The following ZMYND11 variants were observed in gnomAD, a reference collection of about 807,000 sequenced individuals.
The protein encoded by ZMYND11 is zinc finger MYND-type containing 11, also known as zinc finger MYND domain-containing protein 11.
Under a neutral mutation model 84.9 loss-of-function variants are expected in ZMYND11, and 9 were observed. The ratio of observed to expected loss-of-function variants is 0.11; its 90% CI spans 0.06 to 0.18. The LOEUF (loss-of-function observed/expected upper bound fraction) is 0.18, where lower values mean the gene tolerates loss of function less well. ZMYND11 is among the 10% of genes least tolerant of loss of function. ZMYND11 has a pLI of 1.00. For missense variants in ZMYND11, 409 were observed against 761.0 expected (o/e 0.54, Z 5.44); for synonymous variants, 250 against 244.1 (o/e 1.02, Z -0.23).
At chr10:246,605 A>G (rs1395282835) in intron 10 of ZMYND11, among the ~76,000 whole-genome samples, 161 bp from the exon 11 acceptor site, 1 of 152,188 alleles carries the variant, frequency 6.6e-6, no homozygotes, top group African/African-American at 2.4e-5. Context: ...TTTCGCAATT[A>G]AAAGTAACGG....
At position 188,690 on chromosome 10, in the gene ZMYND11, T is replaced by G. The variant is rs144570249; in HGVS notation, c.116+8562T>G. Among the ~76,000 whole-genome samples the G allele has an allele frequency of 1.5e-3, 230 of 152,330 alleles. 4 individuals carry two copies. In the East Asian group the frequency reaches 0.035, roughly 23 times the overall value. On this transcript the variant is annotated intron_variant, in intron 2 of 14. Coordinates refer to ENST00000381604, the MANE Select transcript of ZMYND11 (RefSeq NM_001370100.5). ...TATTTTAGTATCCATTAAAAACAAGTTACATATATCACTTCCTTTTCTTCT... is the reference window on the plus strand; with the variant it reads ...TATTTTAGTATCCATTAAAAACAAGGTACATATATCACTTCCTTTTCTTCT...
At chr10:143,267 A>G (rs566038635) in intron 1 of ZMYND11, among the ~76,000 whole-genome samples, 1 of 152,354 alleles carries the variant, frequency 6.6e-6, no homozygotes, top group East Asian at 1.9e-4. Flanking sequence ...CCTGACACTC[A>G]GCAGTGATGC....
intron 4 of ZMYND11, among the ~76,000 whole-genome samples, chr10:231,572 C>A (rs1182858166): frequency 6.6e-6 from 1 of 152,096 alleles, no homozygotes; most frequent in Non-Finnish European, 1.5e-5. Flanking sequence ...AAGTAATGAT[C>A]CTTGGGCATC....
upstream of ZMYND11, chr10:135,065 C>A (rs1158537749): frequency 6.7e-6 from 1 of 149,316 alleles, no homozygotes; most frequent in African/African-American, 2.4e-5. This position sits in a 1 kb window ranked among gnomAD's most constrained non-coding sequence, Gnocchi z 5.6. Flanking sequence ...GCCGGTGGGG[C>A]CGAGCGGCCG....
chr10:209,869 T>C lies in ZMYND11; in HGVS notation c.117-20T>C, dbSNP rs775560044. The C allele has an allele frequency of 6.3e-7, 1 of 1,577,800 alleles. No homozygotes were observed. Among genetic ancestry groups the C allele is most frequent in the Non-Finnish European group, 8.6e-7 (1 of 1,161,606 alleles). Reference sequence around the variant, plus strand: ...TTCAGTACTGAAAGATTTTTAAATTTGTTTTTCCTCTGTGTTCAGGTATAT... The same window carrying C: ...TTCAGTACTGAAAGATTTTTAAATTCGTTTTTCCTCTGTGTTCAGGTATAT... On this transcript the variant is annotated intron_variant, in intron 2 of 14. Coordinates refer to ENST00000381604, the MANE Select transcript of ZMYND11 (RefSeq NM_001370100.5).
At chr10:184,104 C>T (rs1185044031) in intron 2 of ZMYND11, among the ~76,000 whole-genome samples, 2 of 152,140 alleles carry the variant, frequency 1.3e-5, no homozygotes, top group Non-Finnish European at 2.9e-5. Context: ...GTTTTATTTA[C>T]TTAACTCTTC....
At position 246,859 on chromosome 10, in the gene ZMYND11, T is replaced by G; in HGVS notation, c.1044T>G (p.Asp348Glu). ...GTATGGGTTGGAAAAAGGCCTGTGATGAGCTGGAGCTGCATCAGCGTTTCC... is the reference window on the plus strand; with the variant it reads ...GTATGGGTTGGAAAAAGGCCTGTGAGGAGCTGGAGCTGCATCAGCGTTTCC... Reference protein sequence around the residue: ...KRSMGWKKACDELELHQRFLR... With the variant: ...KRSMGWKKACEELELHQRFLR... Residue 348 changes from aspartate (D) to glutamate (E), a missense_variant, in exon 11 of 15, where the codon GAT becomes GAG. Physicochemically the swap from Asp to Glu is conservative, Grantham distance 45. Transcript: ENST00000381604. 6.2e-7 allele frequency: 1 copy of G among 1,614,164 alleles called. No individual in the cohort carries two copies. Among genetic ancestry groups the G allele is most frequent in the South Asian group, 1.1e-5 (1 of 91,066 alleles).
chr10:239,993 A>G (rs1950600589), intron 7 of ZMYND11, 63 bp from the exon 8 acceptor site: 17 of 1,391,380 alleles, frequency 1.2e-5, no homozygotes, highest in Non-Finnish European at 1.2e-5. Context: ...AGAAAAGGAT[A>G]GTAACTTTGA....
At chr10:178,115 C>T (rs575849284) in intron 1 of ZMYND11, among the ~76,000 whole-genome samples, 81 of 152,250 alleles carry the variant, frequency 5.3e-4, no homozygotes, top group African/African-American at 1.4e-3. Context: ...TTTACCTCAG[C>T]GAGAAGTAGT....
At chr10:169,774 A>G (rs569674372) in intron 1 of ZMYND11, among the ~76,000 whole-genome samples, 13 of 152,220 alleles carry the variant, frequency 8.5e-5, no homozygotes, top group East Asian at 5.8e-4. Flanking sequence ...GAAAAAACCA[A>G]TCGACAACAG....
At chr10:185,132 T>G (rs1391546116) in intron 2 of ZMYND11, among the ~76,000 whole-genome samples, 1 of 152,136 alleles carries the variant, frequency 6.6e-6, no homozygotes, top group Admixed American at 6.6e-5. Context: ...GTGTGTAAAA[T>G]CCTGACCAGT....
Position 216,514 on chromosome 10 carries a change from T to C in ZMYND11, c.277-4681T>C, listed in dbSNP as rs182385852. Among the ~76,000 whole-genome samples, 495 of 152,294 alleles carry C rather than the reference T, an allele frequency of 3.3e-3. 4 individuals are homozygous for C. Among genetic ancestry groups the C allele is most frequent in the African/African-American group, 0.011 (449 of 41,562 alleles). The stretch of plus-strand genomic sequence containing the variant: ...ATTTTTATGGATAGGTGTATATGTT[T>C]ATGGGGTGTGAGATACAACTTACTC... On this transcript the variant is annotated intron_variant, in intron 3 of 14. Coordinates refer to ENST00000381604, the MANE Select transcript of ZMYND11 (RefSeq NM_001370100.5).
At chr10:138,148 C>G (rs868987118) in intron 1 of ZMYND11, among the ~76,000 whole-genome samples, 5 of 132,248 alleles carry the variant, frequency 3.8e-5, no homozygotes, top group Admixed American at 8.1e-5. Context: ...CTTGCTCTGT[C>G]GCTCAGGCTG....
chr10:189,213 G>A lies in ZMYND11; in HGVS notation c.116+9085G>A, dbSNP rs993737930. Among the ~76,000 whole-genome samples, 12 of 152,254 alleles carry A rather than the reference G, an allele frequency of 7.9e-5. No homozygotes were observed. In the East Asian group the frequency reaches 9.6e-4, roughly 12 times the overall value. Reference sequence around the variant, plus strand: ...CCTGTCGCTACAGATATACATAAACGCAAACTGTAAGTCCTCATCACGTGC... The same window carrying A: ...CCTGTCGCTACAGATATACATAAACACAAACTGTAAGTCCTCATCACGTGC... On this transcript the variant is annotated intron_variant, in intron 2 of 14. Coordinates refer to ENST00000381604, the MANE Select transcript of ZMYND11 (RefSeq NM_001370100.5).
intron 1 of ZMYND11, among the ~76,000 whole-genome samples, chr10:169,952 CCAAG>C (rs57346802): frequency 0.91 from 138,702 of 151,792 alleles, 63,899 homozygotes; most frequent in Non-Finnish European, 0.97. Flanking sequence ...TCAGAAAACA[CCAAG>C]CAGGCTAAAT....
chr10:243,965 A>AT (rs60376020), intron 10 of ZMYND11, among the ~76,000 whole-genome samples: 33 of 152,068 alleles, frequency 2.2e-4, no homozygotes, highest in African/African-American at 6.3e-4. Context: ...TTTCAGAGGT[A>AT]TTTTTTTTCC....
chr10:165,423 A>G (rs898624599), intron 1 of ZMYND11, among the ~76,000 whole-genome samples: 13 of 152,026 alleles, frequency 8.6e-5, no homozygotes, highest in Admixed American at 2.0e-4. Context: ...GTGCCTCACA[A>G]ATCTTCAGCA....
chr10:170,613 C>T (rs1054718509), intron 1 of ZMYND11, among the ~76,000 whole-genome samples: 2 of 151,892 alleles, frequency 1.3e-5, no homozygotes, highest in African/African-American at 4.8e-5. Context: ...TAATGTTATT[C>T]GAAAGTGGAC....
chr10:199,063 A>G (rs933232574), intron 2 of ZMYND11, among the ~76,000 whole-genome samples: 2 of 152,014 alleles, frequency 1.3e-5, no homozygotes, highest in Non-Finnish European at 2.9e-5. Flanking sequence ...TCCCCATGAG[A>G]TTGTCAAAAG....
Sources: gnomAD v4.1 joint callset for allele counts (sites outside exome capture counted in the v4.1 genomes callset) on GRCh38, gnomAD v4.1.1 for gene constraint, Gnocchi (gnomAD v3.1) non-coding constraint, MANE v1.5 for transcripts, NCBI Gene and HGNC (gene_info 2026-07-23, HGNC 2026-07-21) for gene names.